Variants in ASIC2 observed in about 807,000 individuals in gnomAD.
ASIC2 encodes acid sensing ion channel subunit 2.
ASIC2 carries 25 observed loss-of-function variants against 57.3 expected under a neutral mutation model. The ratio of observed to expected loss-of-function variants is 0.44; its 90% CI spans 0.32 to 0.61. The LOEUF (loss-of-function observed/expected upper bound fraction) is 0.61, where lower values mean the gene tolerates loss of function less well. Among genes scored for constraint, ASIC2 ranks in the 20% least tolerant of loss-of-function variants. The probability of loss-of-function intolerance (pLI) is 0.06; values close to 1 mark genes in which losing one functional copy is unlikely to be tolerated. For synonymous variants in ASIC2, 319 were observed against 307.5 expected (o/e 1.04, Z -0.39); for missense variants, 641 against 738.1 (o/e 0.87, Z 1.52).
chr17:33,418,064 G>C (rs1910921280), intron 1 of ASIC2, among the ~76,000 whole-genome samples: 2 of 128,552 alleles, frequency 1.6e-5, no homozygotes, highest in South Asian at 5.0e-4. Flanking sequence ...GTGTGTGTGT[G>C]TGTGTGTGTG....
intron 1 of ASIC2, among the ~76,000 whole-genome samples, chr17:33,682,311 C>G (rs1908035367): frequency 6.6e-6 from 1 of 151,764 alleles, no homozygotes; most frequent in Admixed American, 6.6e-5. Context: ...GTGATCAGCC[C>G]ACCTCGGCCT....
At chr17:33,499,023 A>C (rs12942506) in intron 1 of ASIC2, among the ~76,000 whole-genome samples, 90,578 of 152,076 alleles carry the variant, frequency 0.6, 28,993 homozygotes, top group African/African-American at 0.83. Flanking sequence ...CTGCTTAGGC[A>C]ATTGTTGGCA....
chr17:33,407,490 A>G (rs575114333), intron 1 of ASIC2, among the ~76,000 whole-genome samples: 5 of 152,260 alleles, frequency 3.3e-5, no homozygotes, highest in East Asian at 3.9e-4. Flanking sequence ...CATCCCCAGA[A>G]CCATCCTCCT....
chr17:33,319,906 C>G (rs954141019), intron 1 of ASIC2, among the ~76,000 whole-genome samples: 6 of 152,184 alleles, frequency 3.9e-5, no homozygotes, highest in Non-Finnish European at 8.8e-5. Flanking sequence ...TCAAATACTA[C>G]ATCGTATTCA....
chr17:33,843,628 G>A (rs1242544267), intron 1 of ASIC2, among the ~76,000 whole-genome samples: 1 of 152,194 alleles, frequency 6.6e-6, no homozygotes, highest in African/African-American at 2.4e-5. Flanking sequence ...TTCATGCAGA[G>A]AAGTAGTTGC....
At chr17:33,628,398 C>G (rs1906054530) in intron 1 of ASIC2, among the ~76,000 whole-genome samples, 1 of 151,734 alleles carries the variant, frequency 6.6e-6, no homozygotes, top group African/African-American at 2.4e-5. Context: ...CTCAAGTGAT[C>G]CTCCCTTCTC....
At chr17:33,240,551 G>A (rs561791274) in intron 1 of ASIC2, among the ~76,000 whole-genome samples, 2 of 152,324 alleles carry the variant, frequency 1.3e-5, no homozygotes, top group Admixed American at 1.3e-4. Context: ...GCCAGGCACT[G>A]TGCAGCTCAG....
intron 1 of ASIC2, among the ~76,000 whole-genome samples, chr17:33,393,651 T>G (rs1403390258): frequency 1.3e-5 from 2 of 152,130 alleles, no homozygotes; most frequent in East Asian, 3.9e-4. Context: ...GTGGAGAGGA[T>G]GAAGTAGGGG....
At chr17:33,301,987 C>T (rs764342703) in intron 1 of ASIC2, among the ~76,000 whole-genome samples, 1 of 152,224 alleles carries the variant, frequency 6.6e-6, no homozygotes, top group Non-Finnish European at 1.5e-5. Flanking sequence ...TCAACAATGT[C>T]CATGTCCTTC....
intron 1 of ASIC2, among the ~76,000 whole-genome samples, chr17:33,446,121 G>A (rs1346170963): frequency 1.3e-5 from 2 of 152,110 alleles, no homozygotes; most frequent in African/African-American, 4.8e-5. Context: ...TGGGACGAGG[G>A]AACTCTTAAG....
intron 1 of ASIC2, among the ~76,000 whole-genome samples, chr17:34,095,646 T>G (rs1016254443): frequency 1.7e-5 from 2 of 119,010 alleles, no homozygotes; most frequent in African/African-American, 7.4e-5. Context: ...TATATATATA[T>G]ATATATATAA....
chr17:33,911,687 G>A (rs1427926250), intron 1 of ASIC2, among the ~76,000 whole-genome samples: 1 of 152,190 alleles, frequency 6.6e-6, no homozygotes, highest in African/African-American at 2.4e-5. Flanking sequence ...AGCAGACCCA[G>A]GAGTTTGCAA....
chr17:33,601,622 C>G (rs930912722), intron 1 of ASIC2, among the ~76,000 whole-genome samples: 1 of 152,212 alleles, frequency 6.6e-6, no homozygotes. Flanking sequence ...AGAACTTATC[C>G]TGGAGTTAAG....
At chr17:33,147,748 G>A (rs1904621548) in intron 1 of ASIC2, among the ~76,000 whole-genome samples, 1 of 152,164 alleles carries the variant, frequency 6.6e-6, no homozygotes, top group Non-Finnish European at 1.5e-5. Flanking sequence ...TGGCATGCAG[G>A]GGAAGCAAGG....
At chr17:33,894,541 C>A (rs969611136) in intron 1 of ASIC2, among the ~76,000 whole-genome samples, 1 of 152,040 alleles carries the variant, frequency 6.6e-6, no homozygotes, top group African/African-American at 2.4e-5. Flanking sequence ...TGGTTGAGAG[C>A]CCACATTTTG....
intron 1 of ASIC2, among the ~76,000 whole-genome samples, chr17:33,805,825 T>C (rs1912252379): frequency 6.6e-6 from 1 of 152,196 alleles, no homozygotes; most frequent in African/African-American, 2.4e-5. Flanking sequence ...AAAGCCATTT[T>C]TCAGAATGTT....
intron 1 of ASIC2, among the ~76,000 whole-genome samples, chr17:33,558,613 C>T (rs1416998558): frequency 2.0e-5 from 3 of 152,138 alleles, no homozygotes; most frequent in African/African-American, 7.2e-5. Context: ...TCTTGAGGGC[C>T]AGATAGTAAA....
In ASIC2 at chr17:33,153,872, A is replaced by G. The variant is rs183551726; in HGVS notation, c.709-41805T>C. ...TGGGGGGCCTGGCCACCTTGGCCCA[A>G]CTTGGGTTAGCTCTGAAGGGCCACT... is the stretch of plus-strand genomic sequence containing the variant. On this transcript the variant is annotated intron_variant, in intron 1 of 9. Transcript: ENST00000225823. 2.3e-3 allele frequency among the ~76,000 whole-genome samples: 344 copies of G among 152,250 alleles called. 3 individuals are homozygous for G. Among genetic ancestry groups the G allele is most frequent in the Non-Finnish European group, 3.5e-4 (24 of 68,022 alleles).
chr17:33,424,425 G>A (rs993646536), intron 1 of ASIC2, among the ~76,000 whole-genome samples: 4 of 152,136 alleles, frequency 2.6e-5, no homozygotes, highest in Admixed American at 2.0e-4. Flanking sequence ...GGGGAGTCCG[G>A]GGAAAGCAGC....
Sources: gnomAD v4.1 joint callset for allele counts (sites outside exome capture counted in the v4.1 genomes callset) on GRCh38, gnomAD v4.1.1 for gene constraint, MANE v1.5 for transcripts, NCBI Gene and HGNC (gene_info 2026-07-23, HGNC 2026-07-21) for gene names.